CEP170: variants seen among roughly 807,000 people sequenced by gnomAD.
CEP170 encodes the protein centrosomal protein 170.
Under a neutral mutation model 151.9 loss-of-function variants are expected in CEP170, and 21 were observed. The ratio of observed to expected loss-of-function variants is 0.14; its 90% CI spans 0.10 to 0.20. The LOEUF is 0.20. CEP170 is among the 10% of genes least tolerant of loss of function. CEP170 has a pLI of 1.00. For synonymous variants in CEP170, 356 were observed against 648.8 expected (o/e 0.55, Z 6.86); for missense variants, 964 against 1,892.9 (o/e 0.51, Z 9.11).
At chr1:243,180,844 T>C (rs2059576192) in intron 10 of CEP170, among the ~76,000 whole-genome samples, 2 of 152,206 alleles carry the variant, frequency 1.3e-5, no homozygotes, top group African/African-American at 2.4e-5. Flanking sequence ...CTACCAACTG[T>C]TGCTTATAGA....
At chr1:243,223,372 A>C (rs2062974728) in intron 2 of CEP170, among the ~76,000 whole-genome samples, 1 of 152,220 alleles carries the variant, frequency 6.6e-6, no homozygotes. Context: ...TATAGGACTA[A>C]AGGAGTCAAA....
chr1:243,131,353 T>C (rs2148188653), intron 17 of CEP170, among the ~76,000 whole-genome samples: 1 of 151,770 alleles, frequency 6.6e-6, no homozygotes, highest in Non-Finnish European at 1.5e-5. Flanking sequence ...AATTAGCAGG[T>C]GTGGTGCAGA....
At chr1:243,226,005 A>ATCTATC (rs2063199816) in intron 1 of CEP170, among the ~76,000 whole-genome samples, 1 of 138,936 alleles carries the variant, frequency 7.2e-6, no homozygotes, top group Non-Finnish European at 1.5e-5. Context: ...ACGTATATAT[A>ATCTATC]TCTAGATATA....
chr1:243,236,219 A>G (rs1393795340), intron 1 of CEP170, among the ~76,000 whole-genome samples: 1 of 152,238 alleles, frequency 6.6e-6, no homozygotes, highest in Non-Finnish European at 1.5e-5. Context: ...TATAAACAGG[A>G]ACCACCTAGA....
intron 2 of CEP170, among the ~76,000 whole-genome samples, chr1:243,224,174 A>G (rs1022477279): frequency 7.9e-5 from 12 of 152,266 alleles, no homozygotes; most frequent in African/African-American, 2.7e-4. Flanking sequence ...AAAATCTCTC[A>G]GAAATACATA....
At chr1:243,200,096 T>C (rs2060924974) in intron 6 of CEP170, among the ~76,000 whole-genome samples, 1 of 151,824 alleles carries the variant, frequency 6.6e-6, no homozygotes, top group Non-Finnish European at 1.5e-5. Flanking sequence ...ATTAAACAAA[T>C]GAAGTGAGGT....
At chr1:243,252,666 C>T (rs148835184) in intron 1 of CEP170, among the ~76,000 whole-genome samples, 16 of 151,972 alleles carry the variant, frequency 1.1e-4, no homozygotes, top group African/African-American at 3.9e-4. Flanking sequence ...TATTTCCATA[C>T]AAAATAATCT....
chr1:243,211,762 T>C lies in CEP170; in HGVS notation c.274+124A>G, dbSNP rs569924032. 4.6e-6 allele frequency: 5 copies of C among 1,091,144 alleles called. No homozygotes were observed. The Admixed American group carries it at 6.7e-5, about 15-fold the overall frequency. 67.6% of individuals were successfully genotyped at this position (1,091,144 alleles called of 1,614,324 possible). A position where few individuals can be genotyped will look rare whatever the true frequency, so the allele number is the denominator to read the frequency against. ...ATATATATGTATTTTAGTATAGGAA[T>C]GCACCCAATAAATAGAAATTCTGGC... On this transcript the variant is annotated intron_variant, in intron 4 of 19. Coordinates refer to ENST00000366542, the MANE Select transcript of CEP170 (RefSeq NM_014812.3).
chr1:243,220,562 T>A (rs978669053), intron 3 of CEP170, among the ~76,000 whole-genome samples: 19 of 152,038 alleles, frequency 1.2e-4, no homozygotes, highest in Non-Finnish European at 2.2e-4. Flanking sequence ...TTAAAAAAAA[T>A]GTATTACCAT....
chr1:243,144,874 A>C (rs1395225000), intron 14 of CEP170, among the ~76,000 whole-genome samples: 1 of 152,200 alleles, frequency 6.6e-6, no homozygotes, highest in Non-Finnish European at 1.5e-5. Flanking sequence ...GTTCTCTAGC[A>C]TTAGTCCTAG....
chr1:243,184,330 C>A (rs537013645), intron 10 of CEP170, among the ~76,000 whole-genome samples: 1 of 152,040 alleles, frequency 6.6e-6, no homozygotes, highest in African/African-American at 2.4e-5. Flanking sequence ...TTACAAGGGT[C>A]CATGTTCTTA....
chr1:243,179,919 A>G (rs574949631), intron 10 of CEP170, among the ~76,000 whole-genome samples: 1 of 152,330 alleles, frequency 6.6e-6, no homozygotes, highest in South Asian at 2.1e-4. Context: ...GAAGTGAATG[A>G]CGCAACTACT....
chr1:243,231,393 G>A (rs1219694695), intron 1 of CEP170, among the ~76,000 whole-genome samples: 1 of 151,628 alleles, frequency 6.6e-6, no homozygotes, highest in Non-Finnish European at 1.5e-5. Context: ...CACTGATAAA[G>A]GTATCTATAA....
intron 1 of CEP170, among the ~76,000 whole-genome samples, chr1:243,236,396 G>A (rs551956268): frequency 1.1e-4 from 16 of 152,222 alleles, no homozygotes; most frequent in Non-Finnish European, 2.2e-4. Flanking sequence ...ACTTAACAAC[G>A]AGTTCTCTAA....
Position 243,220,284 on chromosome 1 carries a change from C to T in CEP170, c.195+1440G>A, listed in dbSNP as rs73116160. On this transcript the variant is annotated intron_variant, in intron 3 of 19. Transcript: ENST00000366542. ...AAGACATAGCATAGCAGGAAGACTA[C>T]TGTTTGGAAGAAGAGCAAGGGAAAA... is the stretch of plus-strand genomic sequence containing the variant. Among the ~76,000 whole-genome samples the T allele has an allele frequency of 4.4e-3, 672 of 152,126 alleles. 5 individuals carry two copies. The highest frequency in any genetic ancestry group is 0.015 in the African/African-American group (636 of 41,486).
chr1:243,234,545 G>A (rs2064090278), intron 1 of CEP170, among the ~76,000 whole-genome samples: 1 of 152,140 alleles, frequency 6.6e-6, no homozygotes, highest in African/African-American at 2.4e-5. Flanking sequence ...AACACACTAA[G>A]GCATTGCATC....
chr1:243,241,073 C>G (rs1558689304), intron 1 of CEP170, among the ~76,000 whole-genome samples: 1 of 152,214 alleles, frequency 6.6e-6, no homozygotes, highest in African/African-American at 2.4e-5. Flanking sequence ...TTAATAATAT[C>G]TAAATGAACA....
Position 243,164,274 on chromosome 1 carries a change from T to A in CEP170, c.3676+10A>T. ...ATGCTAATGCTATTAGAAATCTGGATCCAATTTACCTGAAGCAGAGCCATG... is the reference window on the plus strand; with the variant it reads ...ATGCTAATGCTATTAGAAATCTGGAACCAATTTACCTGAAGCAGAGCCATG... On this transcript the variant is annotated intron_variant, in intron 13 of 19. Transcript: ENST00000366542. 2 of 1,470,726 alleles carry A rather than the reference T, an allele frequency of 1.4e-6. No homozygotes were observed. The highest frequency in any genetic ancestry group is 1.8e-6 in the Non-Finnish European group (2 of 1,109,134). The allele number at this position is 1,470,726 out of a possible 1,614,324, so 91.1% of individuals were successfully genotyped here.
chr1:243,251,898 G>A (rs2065970961), intron 1 of CEP170, among the ~76,000 whole-genome samples: 1 of 152,010 alleles, frequency 6.6e-6, no homozygotes. Flanking sequence ...CACTGGCTTT[G>A]GCTAAAACAT....
Sources: allele counts gnomAD v4.1 joint callset (sites outside exome capture counted in the v4.1 genomes callset), GRCh38; gene constraint gnomAD v4.1.1; transcripts MANE v1.5; gene names NCBI Gene and HGNC (gene_info 2026-07-23, HGNC 2026-07-21).